The following SELE variants were observed in gnomAD, a reference collection of about 807,000 sequenced individuals.
SELE encodes E-selectin.
SELE carries 52 observed loss-of-function variants against 75.8 expected under a neutral mutation model. The ratio of observed to expected loss-of-function variants is 0.69; its 90% CI spans 0.55 to 0.86. The LOEUF is 0.86. Ranked by LOEUF, SELE falls within the 40% of genes least tolerant of loss-of-function variation. The pLI, the probability that SELE is intolerant of heterozygous loss-of-function variation, is 0.00. For synonymous variants in SELE, 285 were observed against 258.7 expected (o/e 1.10, Z -0.98); for missense variants, 754 against 732.7 (o/e 1.03, Z -0.34).
intron 5 of SELE, among the ~76,000 whole-genome samples, chr1:169,729,976 C>G (rs982268757): frequency 6.6e-6 from 1 of 152,112 alleles, no homozygotes; most frequent in Admixed American, 6.5e-5. Flanking sequence ...TACTGACATA[C>G]GTAGGCTATT....
At chr1:169,728,976 T>TA (rs958743853) in intron 7 of SELE, among the ~76,000 whole-genome samples, 39 of 151,384 alleles carry the variant, frequency 2.6e-4, no homozygotes, top group South Asian at 4.2e-4. Flanking sequence ...ACATCACAGT[T>TA]AAAAAAAAAC....
Position 169,732,887 on chromosome 1 carries a change from AT to A in SELE, c.148del (p.Ile50PhefsTer10), listed in dbSNP as rs1300648142. The A allele has an allele frequency of 6.2e-7, 1 of 1,614,132 alleles. No homozygotes were observed. The highest frequency in any genetic ancestry group is 1.7e-5 in the Admixed American group (1 of 60,026). On this transcript the variant is annotated frameshift_variant, in exon 3 of 14. Transcript: ENST00000333360. LOFTEE classifies it high-confidence loss of function. ...CQQRYTHLVAIQNKEEIEYLN... is the reference protein window; with the variant it reads ...CQQRYTHLVAXQNKEEIEYLN... ...GTACTCAATCTCTTCTTTGTTTTGA[AT>A]TGCAACCAGGTGTGTGTACCTTTGC...
chr1:169,730,642 C>T (rs1648891522), intron 4 of SELE, 25 bp from the exon 5 acceptor site: 1 of 1,514,812 alleles, frequency 6.6e-7, no homozygotes, highest in Non-Finnish European at 9.0e-7. Flanking sequence ...CAAATCAGTT[C>T]TGCTCATCTC....
In SELE at chr1:169,732,702, C is replaced by T. The variant is rs774282401; in HGVS notation, c.334G>A (p.Val112Met). 2.0e-5 allele frequency: 33 copies of T among 1,611,744 alleles called. No individual in the cohort carries two copies. The highest frequency in any genetic ancestry group is 5.4e-5 in the African/African-American group (4 of 74,160). The change falls in exon 3 of 14, where the codon GTG becomes ATG. Residue 112 changes from valine to methionine, a missense_variant. Transcript: ENST00000333360. ...PNNRQKDEDCVEIYIKREKDV... is the reference protein window; with the variant it reads ...PNNRQKDEDCMEIYIKREKDV... ...TTTTCTCTCTTGATGTAGATCTCCA[C>T]GCAGTCCTCATCTTTTTGCCTATTG...
chr1:169,728,310 T>G, intron 7 of SELE, 64 bp from the exon 8 acceptor site: 2 of 1,490,826 alleles, frequency 1.3e-6, no homozygotes, highest in Non-Finnish European at 1.8e-6. Flanking sequence ...TGGCGTTTGT[T>G]GAGTGAACCC....
chr1:169,733,539 G>A (rs781311157), intron 2 of SELE, 37 bp downstream of exon 2: 25 of 1,595,352 alleles, frequency 1.6e-5, no homozygotes, highest in African/African-American at 1.3e-4. Flanking sequence ...TCTATAGTGC[G>A]AGAATGAGAA....
intron 13 of SELE, among the ~76,000 whole-genome samples, 200 bp from the exon 14 acceptor site, chr1:169,724,709 G>A (rs3917438): frequency 0.031 from 4,786 of 152,230 alleles, 112 homozygotes; most frequent in Non-Finnish European, 0.049. Flanking sequence ...ACAGCACAGA[G>A]TGAATTCTAA....
Position 169,731,909 on chromosome 1 carries a change from C to A in SELE, c.455G>T (p.Gly152Val). The A allele has an allele frequency of 6.2e-7, 1 of 1,613,738 alleles. No homozygotes were observed. The highest frequency in any genetic ancestry group is 8.5e-7 in the Non-Finnish European group (1 of 1,179,702). The change falls in exon 4 of 14, where the codon GGT (glycine) becomes GTT (valine). Residue 152 changes from glycine to valine, a missense_variant. Physicochemically the swap from Gly to Val is moderately radical, Grantham distance 109. Coordinates refer to ENST00000333360, the MANE Select transcript of SELE (RefSeq NM_000450.2). ...ACTNTSCSGH[G>V]ECVETINNYT... ...ATTATTGATGGTCTCTACACATTCACCGTGGCCACTGCAGGATGTATTGGT... is the reference window on the plus strand; with the variant it reads ...ATTATTGATGGTCTCTACACATTCAACGTGGCCACTGCAGGATGTATTGGT...
rs1648801641 is a variant in SELE at position 169,727,408 on chromosome 1, G to A, written c.1586C>T (p.Ser529Phe). 1 of 1,614,180 alleles carries A rather than the reference G, an allele frequency of 6.2e-7. No individual in the cohort carries two copies. ...ACPEGWTLNG[S>F]AARTCGATGH... ...TGTGGCTCCACATGTCCGAGCTGCAGAGCCATTGAGCGTCCATCCTTCAGG... is the reference window on the plus strand; with the variant it reads ...TGTGGCTCCACATGTCCGAGCTGCAAAGCCATTGAGCGTCCATCCTTCAGG... Residue 529 changes from serine to phenylalanine, a missense_variant, in exon 10 of 14, where the codon TCT becomes TTT. Ser to Phe is a radical substitution (Grantham distance 155). Transcript: ENST00000333360.
chr1:169,724,746 T>C (rs189046092), intron 13 of SELE, among the ~76,000 whole-genome samples: 132 of 152,216 alleles, frequency 8.7e-4, no homozygotes, highest in African/African-American at 3.1e-3. Flanking sequence ...TAATGAATAA[T>C]AATGTATCAA....
chr1:169,728,224 G>A lies in SELE; in HGVS notation c.1113C>T (p.Ser371=). 2 of 1,613,906 alleles carry A rather than the reference G, an allele frequency of 1.2e-6. No homozygotes were observed. Among genetic ancestry groups the A allele is most frequent in the Non-Finnish European group, 1.7e-6 (2 of 1,179,930 alleles). ...AATTCATGTAGCCTCGCTCGGGGTTGGACAAGGCTGTGCACTGGAAAGCTG... is the reference window on the plus strand; with the variant it reads ...AATTCATGTAGCCTCGCTCGGGGTTAGACAAGGCTGTGCACTGGAAAGCTG... The part of the protein sequence containing the change: ...VCEAFQCTAL[S]NPERGYMNCL... The change falls in exon 8 of 14, where the codon TCC becomes TCT. Residue 371 remains serine, a synonymous_variant. Transcript: ENST00000333360.
chr1:169,726,865 G>T, intron 10 of SELE, 59 bp from the exon 11 acceptor site: 2 of 1,227,506 alleles, frequency 1.6e-6, no homozygotes, highest in Non-Finnish European at 1.2e-6. Context: ...AAGTCTCTCC[G>T]TCCTGTCCCT....
chr1:169,725,979 G>A (rs1387476307), intron 11 of SELE, 51 bp from the exon 12 acceptor site: 5 of 1,600,646 alleles, frequency 3.1e-6, no homozygotes, highest in Middle Eastern at 1.7e-4. Context: ...TGACTTTTAA[G>A]GATATATTAA....
chr1:169,730,657 C>T, intron 4 of SELE, 40 bp from the exon 5 acceptor site: 1 of 1,340,358 alleles, frequency 7.5e-7, no homozygotes. Flanking sequence ...CATCTCTCAC[C>T]TTTAACAGAT....
In SELE at chr1:169,731,870, C is replaced by T. The variant is rs750762267; in HGVS notation, c.494G>A (p.Cys165Tyr). The T allele has an allele frequency of 4.3e-6, 7 of 1,613,786 alleles. No individual in the cohort carries two copies. The highest frequency in any genetic ancestry group is 5.9e-6 in the Non-Finnish European group (7 of 1,179,748). Residue 165 changes from cysteine to tyrosine, a missense_variant, in exon 4 of 14, where the codon TGT becomes TAT. Cys to Tyr is a radical substitution (Grantham distance 194, BLOSUM62 -2). Coordinates refer to ENST00000333360, the MANE Select transcript of SELE (RefSeq NM_000450.2). ...VETINNYTCK[C>Y]DPGFSGLKCE... ...CTTGAGTCCACTGAAGCCAGGGTCA[C>T]ACTTGCAAGTGTAATTATTGATGGT... is the stretch of plus-strand genomic sequence containing the variant.
Position 169,732,893 on chromosome 1 carries a change from A to T in SELE, c.143T>A (p.Val48Asp). ...AATCTCTTCTTTGTTTTGAATTGCAACCAGGTGTGTGTACCTTTGCTGACA... is the reference window on the plus strand; with the variant it reads ...AATCTCTTCTTTGTTTTGAATTGCATCCAGGTGTGTGTACCTTTGCTGACA... ...AYCQQRYTHL[V>D]AIQNKEEIEY... Residue 48 changes from valine (V) to aspartate (D), a missense_variant, in exon 3 of 14, where the codon GTT becomes GAT. Transcript: ENST00000333360. The T allele has an allele frequency of 6.2e-7, 1 of 1,614,106 alleles. No homozygotes were observed. The highest frequency in any genetic ancestry group is 8.5e-7 in the Non-Finnish European group (1 of 1,180,004).
chr1:169,729,370 C>T lies in SELE; in HGVS notation c.906G>A (p.Val302=), dbSNP rs1041325445. The change falls in exon 7 of 14, where the codon GTG becomes GTA. Residue 302 remains valine, a synonymous_variant. Transcript: ENST00000333360. ...WDNEKPTCKA[V]TCRAVRQPQN... is the part of the protein sequence containing the mutation. ...GAGGCTGGCGGACGGCCCTGCATGT[C>T]ACAGCTGTAACAAATATACGCATTG... is the stretch of plus-strand genomic sequence containing the variant. The T allele has an allele frequency of 6.2e-7, 1 of 1,613,494 alleles. No individual in the cohort carries two copies. The highest frequency in any genetic ancestry group is 8.5e-7 in the Non-Finnish European group (1 of 1,179,684).
intron 10 of SELE, 46 bp downstream of exon 10, chr1:169,727,303 T>G (rs759572053): frequency 2.6e-6 from 4 of 1,566,704 alleles, no homozygotes; most frequent in East Asian, 2.3e-5. Flanking sequence ...TAGCTCCCCC[T>G]TTTTCTTTTT....
Position 169,733,559 on chromosome 1 carries a change from T to G in SELE, c.37+17A>C, listed in dbSNP as rs1239334680. 1 of 1,612,024 alleles carries G rather than the reference T, an allele frequency of 6.2e-7. No homozygotes were observed. Among genetic ancestry groups the G allele is most frequent in the African/African-American group, 1.3e-5 (1 of 74,900 alleles). On this transcript the variant is annotated intron_variant, in intron 2 of 13. Transcript: ENST00000333360. ...AGTGCGAGAATGAGAAATCTTGGTC[T>G]AATGGCACTGACTTACCCAAAGTGA...
Sources: gnomAD v4.1 joint callset for allele counts (sites outside exome capture counted in the v4.1 genomes callset) on GRCh38, gnomAD v4.1.1 for gene constraint, MANE v1.5 for transcripts, NCBI Gene and HGNC (gene_info 2026-07-23, HGNC 2026-07-21) for gene names.